PRIM2: variants seen among roughly 807,000 people sequenced by gnomAD.
PRIM2 encodes DNA primase subunit 2.
In PRIM2, 39 loss-of-function variants were observed where a neutral mutation model predicts 67.3. That is an observed-to-expected ratio of 0.58 (90% CI 0.45 to 0.76). The LOEUF (loss-of-function observed/expected upper bound fraction) is 0.76. Ranked by LOEUF, PRIM2 falls within the 30% of genes least tolerant of loss-of-function variation. The pLI is 0.00. For missense variants in PRIM2, 398 were observed against 598.7 expected (o/e 0.66, Z 3.50); for synonymous variants, 143 against 198.7 (o/e 0.72, Z 2.36).
intron 5 of PRIM2, among the ~76,000 whole-genome samples, chr6:57,329,672 T>C (rs1300862092): frequency 1.3e-5 from 2 of 152,072 alleles, no homozygotes; most frequent in Non-Finnish European, 2.9e-5. Flanking sequence ...TGTGAAGAGG[T>C]GCCATCTGCC....
intron 5 of PRIM2, among the ~76,000 whole-genome samples, chr6:57,368,284 TA>T (rs144740333): frequency 2.7e-5 from 4 of 150,530 alleles, no homozygotes; most frequent in Non-Finnish European, 3.0e-5. Flanking sequence ...TAATGGACCT[TA>T]AAAAAAAACA....
the PRIM2 span, among the ~76,000 whole-genome samples, chr6:57,257,847 TC>T: frequency 1.3e-5 from 2 of 152,202 alleles, no homozygotes; most frequent in Non-Finnish European, 2.9e-5. Context: ...TAGTGAATTC[TC>T]CCTAATGTTA....
chr6:57,562,579 T>TG (rs1413711601), intron 10 of PRIM2, among the ~76,000 whole-genome samples: 1 of 152,218 alleles, frequency 6.6e-6, no homozygotes, highest in Non-Finnish European at 1.5e-5. Flanking sequence ...TGCCTGCTTA[T>TG]GATCTATAGA....
At chr6:57,252,660 C>T in the PRIM2 span, among the ~76,000 whole-genome samples, 3 of 152,178 alleles carry the variant, frequency 2.0e-5, no homozygotes, top group Admixed American at 6.5e-5. Flanking sequence ...AGGCTGATCT[C>T]GAACTCCTGA....
At chr6:57,527,326 G>C (rs1774777932) in intron 8 of PRIM2, among the ~76,000 whole-genome samples, 1 of 152,210 alleles carries the variant, frequency 6.6e-6, no homozygotes, top group Non-Finnish European at 1.5e-5. Context: ...CTTGTGGAAA[G>C]TGAAATCTTG....
intron 10 of PRIM2, among the ~76,000 whole-genome samples, chr6:57,545,491 C>T (rs1265367702): frequency 3.9e-5 from 6 of 152,194 alleles, no homozygotes; most frequent in South Asian, 2.1e-4. Context: ...AGTGCAGTGG[C>T]GTGATCTCAG....
At chr6:57,357,304 C>A (rs544429942) in intron 5 of PRIM2, among the ~76,000 whole-genome samples, 2 of 152,296 alleles carry the variant, frequency 1.3e-5, no homozygotes, top group South Asian at 4.1e-4. Context: ...CCCTCCCCAA[C>A]TCTTCAGCAA....
chr6:57,388,002 C>A (rs1770205936), intron 7 of PRIM2, among the ~76,000 whole-genome samples: 1 of 151,870 alleles, frequency 6.6e-6, no homozygotes, highest in Admixed American at 6.6e-5. Context: ...ATGCAAAGGC[C>A]CCCAAAGGGA....
chr6:57,434,092 T>G (rs1771930494), intron 7 of PRIM2, among the ~76,000 whole-genome samples: 1 of 151,900 alleles, frequency 6.6e-6, no homozygotes, highest in Non-Finnish European at 1.5e-5. Context: ...GCCCAACTAA[T>G]TTTGTATTTT....
intron 7 of PRIM2, among the ~76,000 whole-genome samples, chr6:57,392,759 GA>G (rs1381003780): frequency 6.6e-6 from 1 of 151,922 alleles, no homozygotes; most frequent in East Asian, 1.9e-4. Context: ...TGATTTGTGA[GA>G]TTTTTGGTGT....
chr6:57,370,154 C>G (rs1010073525), intron 5 of PRIM2, among the ~76,000 whole-genome samples: 1 of 152,096 alleles, frequency 6.6e-6, no homozygotes, highest in Non-Finnish European at 1.5e-5. Flanking sequence ...TATAATTGTT[C>G]CACTCTATCT....
At chr6:57,365,003 T>C (rs1008490547) in intron 5 of PRIM2, among the ~76,000 whole-genome samples, 5 of 152,172 alleles carry the variant, frequency 3.3e-5, no homozygotes, top group African/African-American at 1.2e-4. Flanking sequence ...GCTGTGCTGT[T>C]GGTGATGTTG....
intron 10 of PRIM2, among the ~76,000 whole-genome samples, chr6:57,566,839 G>A (rs1775752494): frequency 6.6e-6 from 1 of 152,096 alleles, no homozygotes; most frequent in Admixed American, 6.6e-5. Flanking sequence ...TTAAGTGCTT[G>A]GAAATACAAT....
intron 7 of PRIM2, among the ~76,000 whole-genome samples, chr6:57,491,504 A>T (rs1773890170): frequency 6.6e-6 from 1 of 152,196 alleles, no homozygotes; most frequent in African/African-American, 2.4e-5. Context: ...AAAGAGATAC[A>T]TCTCTTTTTA....
intron 10 of PRIM2, among the ~76,000 whole-genome samples, chr6:57,597,527 G>A (rs1346945388): frequency 1.6e-4 from 25 of 151,932 alleles, no homozygotes; most frequent in Non-Finnish European, 3.1e-4. Context: ...TGAGAACAAA[G>A]GATGTGACAG....
intron 10 of PRIM2, among the ~76,000 whole-genome samples, chr6:57,545,875 G>A (rs1236400213): frequency 2.0e-5 from 3 of 152,206 alleles, no homozygotes; most frequent in East Asian, 1.9e-4. Flanking sequence ...AGTCCATCCT[G>A]TAGGTGGTAG....
At chr6:57,283,046 T>G in the PRIM2 span, among the ~76,000 whole-genome samples, 1 of 152,144 alleles carries the variant, frequency 6.6e-6, no homozygotes, top group Admixed American at 6.5e-5. Flanking sequence ...AATTACCCCT[T>G]ATTGGCACAG....
intron 11 of PRIM2, among the ~76,000 whole-genome samples, chr6:57,601,531 G>A (rs1345816382): frequency 2.0e-5 from 3 of 152,318 alleles, no homozygotes; most frequent in Admixed American, 2.0e-4. Context: ...GTGTCTTAGA[G>A]GGCGATGTAA....
At chr6:57,254,792 T>G in the PRIM2 span, among the ~76,000 whole-genome samples, 1 of 152,162 alleles carries the variant, frequency 6.6e-6, no homozygotes, top group East Asian at 1.9e-4. Context: ...ACCCAGCACC[T>G]GGACCCATTA....
Sources: gnomAD v4.1 joint callset for allele counts (sites outside exome capture counted in the v4.1 genomes callset) on GRCh38, gnomAD v4.1.1 for gene constraint, MANE v1.5 for transcripts, NCBI Gene and HGNC (gene_info 2026-07-23, HGNC 2026-07-21) for gene names.